The following SLC8A1 variants were observed in gnomAD, a reference collection of about 807,000 sequenced individuals.
The protein encoded by SLC8A1 is solute carrier family 8 member A1.
SLC8A1 carries 18 observed loss-of-function variants against 68.3 expected under a neutral mutation model. The observed-to-expected ratio is 0.26, with a 90% CI of 0.18 to 0.39. SLC8A1 has a LOEUF of 0.39. Among genes scored for constraint, SLC8A1 ranks in the 10% least tolerant of loss-of-function variants. The probability of loss-of-function intolerance (pLI) is 1.00; values close to 1 mark genes in which losing one functional copy is unlikely to be tolerated. For synonymous variants in SLC8A1, 475 were observed against 415.5 expected, an observed-to-expected ratio of 1.14 and a Z score of -1.74; for missense variants, 985 against 1,156.7, an observed-to-expected ratio of 0.85 and a Z score of 2.15.
In SLC8A1 at chr2:40,314,356, C is replaced by T. The variant is rs563882870; in HGVS notation, c.1808+114117G>A. On this transcript the variant is annotated intron_variant, in intron 2 of 7. Coordinates refer to ENST00000406785, the Ensembl canonical transcript of SLC8A1. ...TTTCCATAGTTTATTCCATTCTAAT[C>T]ACTTATTTCTATTTTTATGCCACTA... 4.6e-5 allele frequency among the ~76,000 whole-genome samples: 7 copies of T among 152,044 alleles called. No homozygotes were observed. In the South Asian group the frequency reaches 1.5e-3, roughly 32 times the overall value.
At chr2:40,311,426 A>C (rs960345391) in intron 2 of SLC8A1, among the ~76,000 whole-genome samples, 59 of 126,048 alleles carry the variant, frequency 4.7e-4, no homozygotes, top group African/African-American at 2.2e-3. Flanking sequence ...ATTAGTCAAA[A>C]AATTTTGATG....
At chr2:40,156,293 A>T (rs933770510) in intron 6 of SLC8A1, among the ~76,000 whole-genome samples, 10 of 151,920 alleles carry the variant, frequency 6.6e-5, no homozygotes, top group African/African-American at 2.2e-4. Flanking sequence ...TGAAACCAAA[A>T]ATCAGAAGTG....
At chr2:40,305,726 A>T (rs1428916288) in intron 2 of SLC8A1, among the ~76,000 whole-genome samples, 1 of 152,204 alleles carries the variant, frequency 6.6e-6, no homozygotes, top group East Asian at 1.9e-4. Context: ...CACTGACATA[A>T]TTCACTTTCA....
chr2:40,180,804 T>C (rs1341637683), intron 2 of SLC8A1, among the ~76,000 whole-genome samples: 2 of 152,230 alleles, frequency 1.3e-5, no homozygotes, highest in African/African-American at 4.8e-5. Context: ...ATGGTAGAAG[T>C]AGCCTTGCTA....
At chr2:40,193,893 C>G (rs981659073) in intron 2 of SLC8A1, among the ~76,000 whole-genome samples, 3 of 152,090 alleles carry the variant, frequency 2.0e-5, no homozygotes, top group African/African-American at 2.4e-5. Flanking sequence ...TATCTCCAGT[C>G]TAGATCTGTC....
At chr2:40,330,465 G>T (rs373461928) in intron 2 of SLC8A1, among the ~76,000 whole-genome samples, 2 of 152,012 alleles carry the variant, frequency 1.3e-5, no homozygotes, top group Non-Finnish European at 2.9e-5. Flanking sequence ...GACTACATTT[G>T]GTATATTAAA....
chr2:40,374,721 C>G (rs1376045651), intron 2 of SLC8A1, among the ~76,000 whole-genome samples: 1 of 151,944 alleles, frequency 6.6e-6, no homozygotes, highest in Non-Finnish European at 1.5e-5. Flanking sequence ...GATACACACA[C>G]AGGCTGTATC....
chr2:40,184,898 C>CAAAAAAAAAAAAAAAAAAAAAAAAAA (rs66662572), intron 2 of SLC8A1, among the ~76,000 whole-genome samples: 5 of 106,528 alleles, frequency 4.7e-5, no homozygotes, highest in East Asian at 3.0e-4. Flanking sequence ...TAACCAAAAA[C>CAAAAAAAAAAAAAAAAAAAAAAAAAA]AAAAAAAAAA....
intron 2 of SLC8A1, among the ~76,000 whole-genome samples, chr2:40,275,584 GT>G (rs112219165): frequency 0.025 from 3,858 of 152,200 alleles, 167 homozygotes; most frequent in African/African-American, 0.087. Flanking sequence ...GTCTGATGAT[GT>G]TTTTTTCTTT....
intron 2 of SLC8A1, among the ~76,000 whole-genome samples, chr2:40,349,505 G>A (rs1417556049): frequency 6.6e-6 from 1 of 152,178 alleles, no homozygotes; most frequent in East Asian, 1.9e-4. Flanking sequence ...CCTCATAGCA[G>A]CTAAATGACC....
intron 2 of SLC8A1, among the ~76,000 whole-genome samples, chr2:40,216,949 GC>G (rs1254235997): frequency 1.3e-5 from 2 of 152,144 alleles, no homozygotes; most frequent in East Asian, 3.8e-4. Flanking sequence ...TCTGTAGGTT[GC>G]CTGTTCACTC....
At chr2:40,398,629 A>C (rs1185175562) in intron 2 of SLC8A1, among the ~76,000 whole-genome samples, 1 of 152,248 alleles carries the variant, frequency 6.6e-6, no homozygotes, top group Non-Finnish European at 1.5e-5. Flanking sequence ...ATGATTTTTA[A>C]AAGTCCCTTT....
At chr2:40,203,682 T>C (rs1213975104) in intron 2 of SLC8A1, among the ~76,000 whole-genome samples, 2 of 151,948 alleles carry the variant, frequency 1.3e-5, no homozygotes, top group Non-Finnish European at 2.9e-5. Context: ...ATTACTTTAA[T>C]CAAATGCCTG....
chr2:40,385,667 T>C (rs1161868812), intron 2 of SLC8A1, among the ~76,000 whole-genome samples: 1 of 151,354 alleles, frequency 6.6e-6, no homozygotes, highest in East Asian at 1.9e-4. Context: ...ATACCATCTT[T>C]CAAATGTCTT....
intron 2 of SLC8A1, among the ~76,000 whole-genome samples, chr2:40,274,317 C>G (rs2066429709): frequency 6.6e-6 from 1 of 151,204 alleles, no homozygotes; most frequent in Admixed American, 6.6e-5. Flanking sequence ...TGTAAATAAA[C>G]ACATAATTTC....
At chr2:40,408,938 G>GA (rs1691259079) in intron 2 of SLC8A1, among the ~76,000 whole-genome samples, 1 of 151,592 alleles carries the variant, frequency 6.6e-6, no homozygotes, top group East Asian at 1.9e-4. Context: ...AAAGATAAGA[G>GA]AAAAAAACAA....
chr2:40,323,668 G>C (rs2075473468), intron 2 of SLC8A1, among the ~76,000 whole-genome samples: 1 of 152,052 alleles, frequency 6.6e-6, no homozygotes, highest in Non-Finnish European at 1.5e-5. Context: ...ATGATTATCT[G>C]TCCCAATGCC....
rs117915882 is a variant in SLC8A1, at chr2:40,238,631, C to T, written c.1809-60776G>A. 2.7e-3 allele frequency among the ~76,000 whole-genome samples: 407 copies of T among 152,270 alleles called. 2 individuals are homozygous for T. The highest frequency in any genetic ancestry group is 0.024 in the East Asian group (122 of 5,164). On this transcript the variant is annotated intron_variant, in intron 2 of 7. Coordinates refer to ENST00000406785, the Ensembl canonical transcript of SLC8A1. ...TATTCGGCCATCTTGGCTCCTCGAT[C>T]GTCTTCTGTTTCTTACTGGCAATAT... is the stretch of plus-strand genomic sequence containing the variant.
intron 1 of SLC8A1, among the ~76,000 whole-genome samples, chr2:40,486,703 A>G (rs1704988045): frequency 1.3e-5 from 2 of 151,444 alleles, no homozygotes; most frequent in East Asian, 1.9e-4. Context: ...TAGTATCTTA[A>G]TATGTTTTTT....
Sources: allele counts gnomAD v4.1 joint callset (sites outside exome capture counted in the v4.1 genomes callset), GRCh38; gene constraint gnomAD v4.1.1; transcripts MANE v1.5; gene names NCBI Gene and HGNC (gene_info 2026-07-23, HGNC 2026-07-21).